KLF17: variants seen among roughly 807,000 people sequenced by gnomAD.
The protein encoded by KLF17 is KLF transcription factor 17.
Under a neutral mutation model 34.2 loss-of-function variants are expected in KLF17, and 31 were observed. That is an observed-to-expected ratio of 0.91 (90% CI 0.68 to 1.22). The LOEUF (loss-of-function observed/expected upper bound fraction) is 1.22. KLF17 is among the 50% of genes most tolerant of loss of function. The probability of loss-of-function intolerance (pLI) is 0.00; values close to 1 mark genes in which losing one functional copy is unlikely to be tolerated. For missense variants in KLF17, 478 were observed against 505.2 expected, an observed-to-expected ratio of 0.95 and a Z score of 0.52; for synonymous variants, 179 against 186.7, an observed-to-expected ratio of 0.96 and a Z score of 0.34.
chr1:44,055,233 C>A, the KLF17 span, among the ~76,000 whole-genome samples: 1 of 152,174 alleles, frequency 6.6e-6, no homozygotes. Flanking sequence ...CTTACCATCT[C>A]CATAGAGGAG....
the KLF17 span, among the ~76,000 whole-genome samples, chr1:44,064,566 C>A: frequency 6.6e-6 from 1 of 152,218 alleles, no homozygotes; most frequent in Non-Finnish European, 1.5e-5. Flanking sequence ...CAAATACCTT[C>A]TTTGGTATCA....
At chr1:44,045,049 G>A in the KLF17 span, 1 of 152,200 alleles carries the variant, frequency 6.6e-6, no homozygotes, top group African/African-American at 2.4e-5. Context: ...GAATGGCTCT[G>A]CCTTGGCTGA....
the KLF17 span, among the ~76,000 whole-genome samples, chr1:44,094,286 C>G: frequency 2.6e-5 from 4 of 152,110 alleles, no homozygotes; most frequent in Non-Finnish European, 5.9e-5. Flanking sequence ...TTCCCCCATT[C>G]CATGGGTTGT....
intron 2 of KLF17, 23 bp from the exon 3 acceptor site, chr1:44,130,489 C>T (rs1374614065): frequency 6.2e-7 from 1 of 1,613,876 alleles, no homozygotes; most frequent in Admixed American, 1.7e-5. Context: ...TTCTAAATTC[C>T]ATCTCTCCCT....
At chr1:44,050,170 A>G in the KLF17 span, among the ~76,000 whole-genome samples, 8 of 152,254 alleles carry the variant, frequency 5.3e-5, no homozygotes, top group African/African-American at 1.9e-4. Flanking sequence ...TGAGTTCAGC[A>G]ATGATAAAAG....
At chr1:44,097,448 C>G in the KLF17 span, among the ~76,000 whole-genome samples, 1 of 152,062 alleles carries the variant, frequency 6.6e-6, no homozygotes, top group African/African-American at 2.4e-5. Flanking sequence ...CTATAAATCA[C>G]TTTGGGTAGT....
the KLF17 span, among the ~76,000 whole-genome samples, chr1:44,074,015 C>A: frequency 6.6e-6 from 1 of 152,172 alleles, no homozygotes; most frequent in African/African-American, 2.4e-5. Context: ...AGCTGCCCCC[C>A]CAACAATATT....
the KLF17 span, among the ~76,000 whole-genome samples, chr1:44,046,528 T>TACACACAC: frequency 1.1e-4 from 9 of 85,056 alleles, no homozygotes; most frequent in African/African-American, 3.6e-4. Flanking sequence ...ACCTAAGCAC[T>TACACACAC]ACACACACAC....
the KLF17 span, among the ~76,000 whole-genome samples, chr1:44,093,000 A>G: frequency 0.054 from 8,179 of 152,252 alleles, 264 homozygotes; most frequent in South Asian, 0.095. Flanking sequence ...AACAGACAAA[A>G]TGATTTCAGA....
chr1:44,052,959 G>A, the KLF17 span, among the ~76,000 whole-genome samples: 4 of 150,522 alleles, frequency 2.7e-5, no homozygotes, highest in Non-Finnish European at 4.4e-5. Flanking sequence ...GGAGTGCAGC[G>A]GCAAGATCTC....
At chr1:44,054,524 G>A in the KLF17 span, among the ~76,000 whole-genome samples, 660 of 123,358 alleles carry the variant, frequency 5.4e-3, 6 homozygotes, top group African/African-American at 0.018. Flanking sequence ...TCTGTCGCCC[G>A]GGCTGGAGTG....
the KLF17 span, among the ~76,000 whole-genome samples, chr1:44,051,960 A>C: frequency 1.3e-5 from 2 of 152,124 alleles, no homozygotes; most frequent in African/African-American, 4.8e-5. Flanking sequence ...GGTTTTCGGC[A>C]TTGACATTCC....
At chr1:44,103,385 A>C in the KLF17 span, 3 of 760,446 alleles carry the variant, frequency 3.9e-6, no homozygotes, top group African/African-American at 1.7e-5. Context: ...TCTTCTTCAC[A>C]ACCACGGCCC....
chr1:44,090,912 C>CCA, the KLF17 span, among the ~76,000 whole-genome samples: 5 of 150,230 alleles, frequency 3.3e-5, no homozygotes, highest in East Asian at 2.0e-4. Flanking sequence ...ACAATTCCCA[C>CCA]CACACACACA....
At chr1:44,055,945 G>A in the KLF17 span, among the ~76,000 whole-genome samples, 1 of 152,262 alleles carries the variant, frequency 6.6e-6, no homozygotes, top group East Asian at 1.9e-4. Context: ...CAATCCTTAC[G>A]AATATTTACC....
chr1:44,129,651 T>C lies in KLF17; in HGVS notation c.380T>C (p.Phe127Ser). ...MSPPQQEMTI[F>S]SGPQLMPVGE... is the part of the protein sequence containing the mutation. Reference sequence around the variant, plus strand: ...CCCCCTCAGCAAGAGATGACGATTTTCAGTGGGCCCCAACTAATGCCCGTA... The same window carrying C: ...CCCCCTCAGCAAGAGATGACGATTTCCAGTGGGCCCCAACTAATGCCCGTA... The change falls in exon 2 of 4, where the codon TTC (phenylalanine) becomes TCC (serine). Residue 127 changes from phenylalanine to serine, a missense_variant. Phe to Ser is a radical substitution (Grantham distance 155). Coordinates refer to ENST00000372299, the MANE Select transcript of KLF17 (RefSeq NM_173484.4). The C allele has an allele frequency of 6.2e-7, 1 of 1,614,186 alleles. No individual in the cohort carries two copies. The highest frequency in any genetic ancestry group is 8.5e-7 in the Non-Finnish European group (1 of 1,180,014).
the KLF17 span, among the ~76,000 whole-genome samples, chr1:44,073,145 C>T: frequency 0.011 from 1,739 of 151,466 alleles, 21 homozygotes; most frequent in African/African-American, 0.036. Flanking sequence ...TAAAAAGGTA[C>T]AGTAAGATGG....
chr1:44,089,924 G>A, the KLF17 span, among the ~76,000 whole-genome samples: 2 of 152,026 alleles, frequency 1.3e-5, no homozygotes, highest in Non-Finnish European at 2.9e-5. Flanking sequence ...CACTTTGGGA[G>A]GCCAAGGGGG....
rs1416498919 is a variant in KLF17, at chr1:44,124,639, C to T, written c.82-4714C>T. Among the ~76,000 whole-genome samples the T allele has an allele frequency of 8.6e-5, 13 of 151,998 alleles. No individual in the cohort carries two copies. The East Asian group carries it at 9.7e-4, about 11-fold the overall frequency. On this transcript the variant is annotated intron_variant, in intron 1 of 3. Coordinates refer to ENST00000372299, the MANE Select transcript of KLF17 (RefSeq NM_173484.4). The stretch of plus-strand genomic sequence containing the variant: ...CCTCCCGAGTAGGTGGGACTACAGG[C>T]GCCCGCCACCTCGCCCGGCTAATTT...
Sources: gnomAD v4.1 joint callset for allele counts (sites outside exome capture counted in the v4.1 genomes callset) on GRCh38, gnomAD v4.1.1 for gene constraint, MANE v1.5 for transcripts, NCBI Gene and HGNC (gene_info 2026-07-23, HGNC 2026-07-21) for gene names.